Variants in MACF1 observed in about 807,000 individuals in gnomAD.
MACF1 encodes the protein microtubule-actin cross-linking factor 1.
MACF1 carries 193 observed loss-of-function variants against 854.8 expected under a neutral mutation model. The ratio of observed to expected loss-of-function variants is 0.23; its 90% CI spans 0.20 to 0.25. MACF1 has a LOEUF of 0.25. MACF1 is among the 10% of genes least tolerant of loss of function. The pLI is 1.00. For missense variants in MACF1, 7,722 were observed against 8,929.1 expected (o/e 0.86, Z 5.45); for synonymous variants, 3,185 against 3,226.7 (o/e 0.99, Z 0.44).
At chr1:39,152,213 T>G (rs1359947793) in intron 2 of MACF1, among the ~76,000 whole-genome samples, 1 of 152,162 alleles carries the variant, frequency 6.6e-6, no homozygotes, top group Non-Finnish European at 1.5e-5. Context: ...GACTTTGTGA[T>G]CCGCCCACCT....
chr1:39,339,044 C>G (rs1009797436), intron 38 of MACF1, among the ~76,000 whole-genome samples: 1 of 152,096 alleles, frequency 6.6e-6, no homozygotes, highest in Non-Finnish European at 1.5e-5. Context: ...TTTGGTAGGC[C>G]AAGACAAGAG....
chr1:39,267,376 G>A (rs997981453), intron 6 of MACF1, among the ~76,000 whole-genome samples: 12 of 152,206 alleles, frequency 7.9e-5, no homozygotes, highest in South Asian at 6.2e-4. Flanking sequence ...GACTAAGGGC[G>A]CATGCCACTG....
intron 72 of MACF1, among the ~76,000 whole-genome samples, chr1:39,440,106 C>CTTTTTTTTTTTTTTTTTTTTTTTTTTTTT (rs1251165556): frequency 1.5e-5 from 1 of 68,300 alleles, no homozygotes; most frequent in African/African-American, 6.5e-5. Flanking sequence ...CTTTTCTTTT[C>CTTTTTTTTTTTTTTTTTTTTTTTTTTTTT]TTTTCTTTTT....
chr1:39,239,073 G>A (rs1194152964), intron 2 of MACF1, among the ~76,000 whole-genome samples: 5 of 152,174 alleles, frequency 3.3e-5, no homozygotes, highest in Non-Finnish European at 7.3e-5. Flanking sequence ...TTGAGGTCAG[G>A]AGTTCGAGAC....
At position 39,434,524 on chromosome 1, in the gene MACF1, T is replaced by A; in HGVS notation, c.17676T>A (p.Thr5892=). 6.2e-7 allele frequency: 1 copy of A among 1,614,084 alleles called. No individual in the cohort carries two copies. ...AQVLVNQFWE[T]YEELSPWIEE... is the part of the protein sequence containing the mutation. ...TCTTAGTAAACCAGTTTTGGGAAAC[T>A]TATGAAGAGCTCAGCCCCTGGATTG... Residue 5892 remains threonine (T), a synonymous_variant, in exon 69 of 101, where the codon ACT becomes ACA. Transcript: ENST00000564288.
intron 2 of MACF1, among the ~76,000 whole-genome samples, chr1:39,114,696 C>T (rs1412002759): frequency 1.3e-5 from 2 of 152,142 alleles, no homozygotes; most frequent in Non-Finnish European, 2.9e-5. Flanking sequence ...AAGATATTGT[C>T]CTTGTCTCTC....
intron 6 of MACF1, chr1:39,269,470 C>T (rs887047260): frequency 1.2e-5 from 16 of 1,289,702 alleles, no homozygotes; most frequent in African/African-American, 3.0e-5. Context: ...CAAAGACGCA[C>T]GGAGCCTTCC....
At chr1:39,450,371 A>G (rs1300667619) in intron 84 of MACF1, among the ~76,000 whole-genome samples, 2 of 151,776 alleles carry the variant, frequency 1.3e-5, no homozygotes, top group African/African-American at 2.4e-5. Context: ...CACACAACTG[A>G]TACAGAGCTA....
At chr1:39,111,369 T>TATTTATTC (rs1553134271) in intron 2 of MACF1, among the ~76,000 whole-genome samples, 71 of 150,880 alleles carry the variant, frequency 4.7e-4, no homozygotes, top group Non-Finnish European at 9.5e-4. Flanking sequence ...CTAATTATTT[T>TATTTATTC]ATTTATTTAT....
At chr1:39,101,388 A>ATGTG (rs140445138) in intron 2 of MACF1, among the ~76,000 whole-genome samples, 3 of 142,576 alleles carry the variant, frequency 2.1e-5, no homozygotes, top group East Asian at 4.2e-4. Flanking sequence ...ATATATATAT[A>ATGTG]TGTGTGTGTA....
rs1571354311 is a variant in MACF1, at chr1:39,336,713, T to C, written c.10065+60T>C. The C allele has an allele frequency of 2.7e-6, 4 of 1,454,732 alleles. No homozygotes were observed. In the East Asian group the frequency reaches 9.4e-5, roughly 34 times the overall value. 90.1% of individuals were successfully genotyped at this position (1,454,732 alleles called of 1,614,324 possible). ...GATACAATTAGTTTAATGCTAAAAT[T>C]CTTAACTGGGTACAGAGTTTACATA... On this transcript the variant is annotated intron_variant, in intron 37 of 100. Transcript: ENST00000564288.
At position 39,296,496 on chromosome 1, in the gene MACF1, G is replaced by A. The variant is rs146227391; in HGVS notation, c.2355+614G>A. ...TGTAGTCTTAGCACTTTGGGAGGCT[G>A]AGGCAGGCAGATCACCTGAGGTCAG... is the stretch of plus-strand genomic sequence containing the variant. On this transcript the variant is annotated intron_variant, in intron 20 of 100. Transcript: ENST00000564288. 5.0e-3 allele frequency among the ~76,000 whole-genome samples: 758 copies of A among 151,998 alleles called. 9 individuals are homozygous for A. The highest frequency in any genetic ancestry group is 0.017 in the African/African-American group (713 of 41,456).
chr1:39,228,903 C>T (rs1644747596), intron 1 of MACF1, among the ~76,000 whole-genome samples: 1 of 152,236 alleles, frequency 6.6e-6, no homozygotes, highest in African/African-American at 2.4e-5. Context: ...ATCTGCCCAC[C>T]TCAGCCTCCC....
chr1:39,275,076 A>G (rs1645406570), intron 6 of MACF1, among the ~76,000 whole-genome samples: 1 of 148,248 alleles, frequency 6.7e-6, no homozygotes, highest in Non-Finnish European at 1.5e-5. Context: ...CAACAATAAG[A>G]TACTTTTTTT....
intron 87 of MACF1, 48 bp from the exon 88 acceptor site, chr1:39,453,659 G>A: frequency 7.1e-6 from 11 of 1,556,680 alleles, no homozygotes; most frequent in Non-Finnish European, 9.8e-6. Context: ...TAACAGTGCT[G>A]CTAATGTAGA....
At chr1:39,104,270 C>T (rs1270440560) in intron 2 of MACF1, among the ~76,000 whole-genome samples, 1 of 152,144 alleles carries the variant, frequency 6.6e-6, no homozygotes, top group African/African-American at 2.4e-5. Context: ...GCTCATGGCT[C>T]CAGCGCACTC....
chr1:39,385,832 A>G lies in MACF1; in HGVS notation c.14247A>G (p.Glu4749=), dbSNP rs1231710578. ...EVKEAQTLCD[E]LSVLIGEQYL... is the part of the protein sequence containing the mutation. The stretch of plus-strand genomic sequence containing the variant: ...AGGAGGCTCAGACACTGTGCGATGA[A>G]CTCTCAGTGCTCATTGGTGAGCAGT... Residue 4749 remains glutamate (E), a synonymous_variant, in exon 57 of 101, where the codon GAA becomes GAG. Transcript: ENST00000564288. The G allele has an allele frequency of 1.9e-6, 3 of 1,613,872 alleles. No individual in the cohort carries two copies. The highest frequency in any genetic ancestry group is 2.2e-5 in the South Asian group (2 of 91,064).
rs1646413449 is a variant in MACF1 at position 39,316,459 on chromosome 1, T to C, written c.3518T>C (p.Ile1173Thr). 1.9e-6 allele frequency: 3 copies of C among 1,614,002 alleles called. No individual in the cohort carries two copies. Among genetic ancestry groups the C allele is most frequent in the Non-Finnish European group, 2.5e-6 (3 of 1,179,896 alleles). Residue 1173 changes from isoleucine (I) to threonine (T), a missense_variant, in exon 28 of 101, where the codon ATT becomes ACT. Coordinates refer to ENST00000564288, the MANE Select transcript of MACF1 (RefSeq NM_001394062.1). ...DAELLVKGYE[I>T]KLSQEEVVLA... Reference sequence around the variant, plus strand: ...GAACTCTTGGTCAAAGGTTATGAGATTAAGCTGAGTCAAGAAGAAGTAGTA... The same window carrying C: ...GAACTCTTGGTCAAAGGTTATGAGACTAAGCTGAGTCAAGAAGAAGTAGTA...
rs1646914138 is a variant in MACF1, at chr1:39,340,537, G to C, written c.10251G>C (p.Leu3417Phe). 4.3e-6 allele frequency: 7 copies of C among 1,613,854 alleles called. No individual in the cohort carries two copies. The highest frequency in any genetic ancestry group is 5.9e-6 in the Non-Finnish European group (7 of 1,180,020). Residue 3417 changes from leucine (L) to phenylalanine (F), a missense_variant, in exon 39 of 101, where the codon TTG (leucine) becomes TTC (phenylalanine). By Grantham distance (22) the Leu-to-Phe change is conservative. Transcript: ENST00000564288. Reference sequence around the variant, plus strand: ...GGGAGTTAAAGGATCTGACCACCTTGGTCAGTCAGGAGCTGGAGTGTGTGA... The same window carrying C: ...GGGAGTTAAAGGATCTGACCACCTTCGTCAGTCAGGAGCTGGAGTGTGTGA... Reference protein sequence around the residue: ...LERELKDLTTLVSQELECVNQ... With the variant: ...LERELKDLTTFVSQELECVNQ...
Sources: gnomAD v4.1 joint callset for allele counts (sites outside exome capture counted in the v4.1 genomes callset) on GRCh38, gnomAD v4.1.1 for gene constraint, MANE v1.5 for transcripts, NCBI Gene and HGNC (gene_info 2026-07-23, HGNC 2026-07-21) for gene names.